DLG2: variants seen among roughly 807,000 people sequenced by gnomAD.
The protein encoded by DLG2 is disks large homolog 2.
In DLG2, 45 loss-of-function variants were observed where a neutral mutation model predicts 132.5. The ratio of observed to expected loss-of-function variants is 0.34; its 90% CI spans 0.27 to 0.44. The LOEUF (loss-of-function observed/expected upper bound fraction) is 0.44. Among genes scored for constraint, DLG2 ranks in the 20% least tolerant of loss-of-function variants. The probability of loss-of-function intolerance (pLI) is 1.00; values close to 1 mark genes in which losing one functional copy is unlikely to be tolerated. For synonymous variants in DLG2, 424 were observed against 419.6 expected (o/e 1.01, Z -0.13); for missense variants, 1,045 against 1,196.9 (o/e 0.87, Z 1.87).
chr11:84,728,020 A>G (rs992753925), intron 6 of DLG2, among the ~76,000 whole-genome samples: 1 of 152,160 alleles, frequency 6.6e-6, no homozygotes, highest in Admixed American at 6.5e-5. Context: ...TTCTAAATAT[A>G]CAATCATGTA....
At chr11:84,517,879 T>A (rs895418450) in intron 7 of DLG2, among the ~76,000 whole-genome samples, 1 of 151,956 alleles carries the variant, frequency 6.6e-6, no homozygotes, top group Non-Finnish European at 1.5e-5. Context: ...GACATTTGGT[T>A]AAGTGAAATA....
chr11:84,373,307 C>T lies in DLG2; in HGVS notation c.520-122016G>A, dbSNP rs559336854. 4.9e-5 allele frequency among the ~76,000 whole-genome samples: 7 copies of T among 144,288 alleles called. No individual in the cohort carries two copies. In the East Asian group the frequency reaches 1.2e-3, roughly 25 times the overall value. The allele number at this position is 144,288 out of a possible 152,430, so 94.7% of individuals were successfully genotyped here. ...CCACCAGGCCCGGCACGGTGGCTCA[C>T]GCCTGTAATCCCAGCACTTTGGGAG... On this transcript the variant is annotated intron_variant, in intron 7 of 27. Transcript: ENST00000376104.
At chr11:84,045,221 C>T (rs979149109) in intron 11 of DLG2, among the ~76,000 whole-genome samples, 1 of 151,692 alleles carries the variant, frequency 6.6e-6, no homozygotes, top group Admixed American at 6.6e-5. Context: ...ACTTTTATAT[C>T]TATATGTGCT....
At chr11:83,585,989 C>A (rs946174769) in intron 19 of DLG2, among the ~76,000 whole-genome samples, 1 of 152,134 alleles carries the variant, frequency 6.6e-6, no homozygotes, top group Non-Finnish European at 1.5e-5. Context: ...CAAATAAAAG[C>A]CAACCTTCTC....
chr11:85,504,780 T>C (rs565035196), intron 3 of DLG2, among the ~76,000 whole-genome samples: 5 of 152,350 alleles, frequency 3.3e-5, no homozygotes, highest in East Asian at 3.9e-4. Flanking sequence ...GGGGATGGCA[T>C]TGAATCTATA....
intron 9 of DLG2, among the ~76,000 whole-genome samples, chr11:84,118,540 C>G (rs1019630551): frequency 3.3e-5 from 5 of 152,148 alleles, no homozygotes. Flanking sequence ...CAATATAAAA[C>G]TTTTCAATTC....
chr11:84,983,934 A>G (rs1327038614), intron 6 of DLG2, among the ~76,000 whole-genome samples: 1 of 152,142 alleles, frequency 6.6e-6, no homozygotes, highest in Non-Finnish European at 1.5e-5. Context: ...AATTAACCCA[A>G]TCCAACAAAG....
intron 4 of DLG2, among the ~76,000 whole-genome samples, chr11:85,198,497 T>C (rs1264173299): frequency 6.6e-6 from 1 of 152,172 alleles, no homozygotes; most frequent in East Asian, 1.9e-4. Flanking sequence ...TTTATATATA[T>C]GAAATATTCT....
At position 83,930,413 on chromosome 11, in the gene DLG2, G is replaced by A. The variant is rs181668459; in HGVS notation, c.1411C>T (p.Pro471Ser). 8.7e-6 allele frequency: 14 copies of A among 1,614,064 alleles called. No homozygotes were observed. The Admixed American group carries it at 1.3e-4, about 15-fold the overall frequency. The change falls in exon 15 of 28, where the codon CCT becomes TCT. Residue 471 changes from proline (P) to serine (S), a missense_variant. Physicochemically the swap from Pro to Ser is moderately conservative, Grantham distance 74 (BLOSUM62 -1). This residue lies in a region of DLG2 where 261 missense variants were observed against 256.1 expected (regional missense o/e 1.02). Transcript: ENST00000376104. Reference sequence around the variant, plus strand: ...AGGAAGCTTTTGTCACACTCAACAGGGGAATAGTGCCTGGGAGAAGCAGGC... The same window carrying A: ...AGGAAGCTTTTGTCACACTCAACAGAGGAATAGTGCCTGGGAGAAGCAGGC... ...DKPASPRHYS[P>S]VECDKSFLLS...
chr11:85,336,045 A>C (rs1397496515), intron 3 of DLG2: 1 of 152,276 alleles, frequency 6.6e-6, no homozygotes, highest in Non-Finnish European at 1.5e-5. Flanking sequence ...GCACACTATT[A>C]ACCTGATGCG....
intron 6 of DLG2, among the ~76,000 whole-genome samples, chr11:84,763,063 C>T (rs1251600988): frequency 2.0e-5 from 3 of 152,192 alleles, no homozygotes; most frequent in Non-Finnish European, 4.4e-5. Flanking sequence ...TGTGCCCACA[C>T]CATTATTTGA....
At chr11:85,582,705 A>AAAAAAAAT (rs1565716140) in intron 3 of DLG2, among the ~76,000 whole-genome samples, 2 of 138,290 alleles carry the variant, frequency 1.4e-5, no homozygotes, top group Non-Finnish European at 3.1e-5. Flanking sequence ...AAAAAAAAAA[A>AAAAAAAAT]CTCGTGCAGC....
chr11:83,694,878 T>C (rs1249483511), intron 18 of DLG2, among the ~76,000 whole-genome samples: 1 of 152,186 alleles, frequency 6.6e-6, no homozygotes, highest in Non-Finnish European at 1.5e-5. Context: ...GTAACCACAC[T>C]GACTTCTTTC....
chr11:85,492,476 G>T (rs2093583543), intron 3 of DLG2, among the ~76,000 whole-genome samples: 1 of 152,080 alleles, frequency 6.6e-6, no homozygotes, highest in South Asian at 2.1e-4. Context: ...ATTCAAATCA[G>T]ATAGTCATGA....
intron 9 of DLG2, among the ~76,000 whole-genome samples, chr11:84,123,361 C>G (rs2094014477): frequency 6.6e-6 from 1 of 152,304 alleles, no homozygotes; most frequent in Middle Eastern, 3.4e-3. Context: ...GTCACATATT[C>G]TCTTTATAAT....
rs1383850136 is a variant in DLG2, at chr11:83,744,675, T to A, written c.1825+42015A>T. Among the ~76,000 whole-genome samples, 5 of 152,232 alleles carry A rather than the reference T, an allele frequency of 3.3e-5. No individual in the cohort carries two copies. In the East Asian group the frequency reaches 9.6e-4, roughly 29 times the overall value. ...CCTCAGCAGTCTTTTAGTGTTTGGA[T>A]CCGTTACCACTTCAATTTCATAGCT... is the stretch of plus-strand genomic sequence containing the variant. On this transcript the variant is annotated intron_variant, in intron 18 of 27. Transcript: ENST00000376104.
intron 3 of DLG2, among the ~76,000 whole-genome samples, chr11:85,498,049 A>G (rs1268830234): frequency 6.6e-6 from 1 of 152,234 alleles, no homozygotes; most frequent in African/African-American, 2.4e-5. Flanking sequence ...AGCTACCATC[A>G]TAATGACAGG....
chr11:84,667,805 A>G (rs1198300602), intron 6 of DLG2, among the ~76,000 whole-genome samples: 1 of 151,928 alleles, frequency 6.6e-6, no homozygotes. Flanking sequence ...GGCCAGATTA[A>G]AGAGATTTTT....
chr11:85,392,443 T>G (rs2152949159), intron 3 of DLG2, among the ~76,000 whole-genome samples: 1 of 151,254 alleles, frequency 6.6e-6, no homozygotes, highest in African/African-American at 2.4e-5. Context: ...AAAAAAAATC[T>G]TAAAATTCAT....
Sources: allele counts gnomAD v4.1 joint callset (sites outside exome capture counted in the v4.1 genomes callset), GRCh38; gene constraint gnomAD v4.1.1; regional missense constraint gnomAD v4.1.1; transcripts MANE v1.5; gene names NCBI Gene and HGNC (gene_info 2026-07-23, HGNC 2026-07-21).